The following FTO variants were observed in gnomAD, a reference collection of about 807,000 sequenced individuals.
The protein encoded by FTO is FTO alpha-ketoglutarate dependent dioxygenase, also known as alpha-ketoglutarate-dependent dioxygenase FTO.
FTO carries 47 observed loss-of-function variants against 63.9 expected under a neutral mutation model. The observed-to-expected ratio is 0.74, with a 90% CI of 0.58 to 0.94. FTO has a LOEUF of 0.94. FTO is among the 40% of genes least tolerant of loss of function. FTO has a pLI of 0.00. For missense variants in FTO, 562 were observed against 618.1 expected (o/e 0.91, Z 0.96); for synonymous variants, 207 against 224.4 (o/e 0.92, Z 0.69).
At chr16:53,942,940 A>G (rs1180607220) in intron 8 of FTO, among the ~76,000 whole-genome samples, 1 of 152,172 alleles carries the variant, frequency 6.6e-6, no homozygotes, top group Non-Finnish European at 1.5e-5. Context: ...ACTTGTTTGC[A>G]GTGTTGGGGT....
chr16:53,861,857 C>G (rs548159616), intron 4 of FTO, among the ~76,000 whole-genome samples: 1 of 152,216 alleles, frequency 6.6e-6, no homozygotes, highest in Non-Finnish European at 1.5e-5. Context: ...GTGGCATATT[C>G]TTTGAGTCTT....
chr16:53,781,165 C>T (rs563454297), intron 1 of FTO, among the ~76,000 whole-genome samples: 59 of 152,166 alleles, frequency 3.9e-4, no homozygotes, highest in Admixed American at 1.2e-3. Context: ...CCTATTTTTC[C>T]AATTGAGTAA....
chr16:53,780,538 G>A (rs1598638521), intron 1 of FTO, among the ~76,000 whole-genome samples: 1 of 152,040 alleles, frequency 6.6e-6, no homozygotes, highest in African/African-American at 2.4e-5. Flanking sequence ...GGGTTCAAGC[G>A]ATTTTCCCAC....
At chr16:54,070,300 A>G (rs1368510049) in intron 8 of FTO, 1 of 152,218 alleles carries the variant, frequency 6.6e-6, no homozygotes, top group Non-Finnish European at 1.5e-5. Context: ...GATTTTATAT[A>G]GCATTCTTTG....
chr16:53,707,637 T>C (rs925431978), intron 1 of FTO, among the ~76,000 whole-genome samples: 1 of 152,216 alleles, frequency 6.6e-6, no homozygotes, highest in Non-Finnish European at 1.5e-5. Context: ...ACCATTCTAG[T>C]AGGTGTGCAG....
chr16:53,930,568 T>G (rs1295575598), intron 7 of FTO, among the ~76,000 whole-genome samples: 1 of 152,174 alleles, frequency 6.6e-6, no homozygotes, highest in East Asian at 1.9e-4. Flanking sequence ...TGAAGTGAAC[T>G]TATAGTTTTA....
intron 1 of FTO, among the ~76,000 whole-genome samples, chr16:53,791,632 A>G (rs2077913998): frequency 6.6e-6 from 1 of 152,224 alleles, no homozygotes; most frequent in Non-Finnish European, 1.5e-5. Flanking sequence ...TTTTTATAAG[A>G]CAATCCAGCA....
In FTO at chr16:53,844,298, G is replaced by C. The variant is rs777558537; in HGVS notation, c.895G>C (p.Asp299His). Reference protein sequence around the residue: ...LHQGDCYFMLDDLNATHQHCV... With the variant: ...LHQGDCYFMLHDLNATHQHCV... The stretch of plus-strand genomic sequence containing the variant: ...CCAAGGAGACTGCTATTTCATGCTT[G>C]GTAATCTTTGGAAAATCAAAATTAT... Residue 299 changes from aspartate to histidine, a missense_variant and splice_region_variant, in exon 4 of 9, where the codon GAT becomes CAT. By Grantham distance (81) the Asp-to-His change is moderately conservative. Transcript: ENST00000471389. 3 of 1,611,380 alleles carry C rather than the reference G, an allele frequency of 1.9e-6. No homozygotes were observed. The highest frequency in any genetic ancestry group is 2.5e-6 in the Non-Finnish European group (3 of 1,177,832).
intron 7 of FTO, chr16:53,911,533 C>T: frequency 1.4e-6 from 1 of 701,384 alleles, no homozygotes; most frequent in South Asian, 1.5e-5. Context: ...TCTATAGATG[C>T]ATTTGTGTCA....
intron 4 of FTO, among the ~76,000 whole-genome samples, chr16:53,846,206 G>T (rs530960446): frequency 1.1e-4 from 16 of 152,154 alleles, no homozygotes; most frequent in African/African-American, 3.9e-4. Context: ...CTCTATGTGG[G>T]AATGTTTTCA....
chr16:53,868,355 A>AT (rs1481017786), intron 4 of FTO, among the ~76,000 whole-genome samples: 1 of 151,836 alleles, frequency 6.6e-6, no homozygotes, highest in Non-Finnish European at 1.5e-5. Flanking sequence ...TTACATATGT[A>AT]TTTTTTTACT....
intron 1 of FTO, among the ~76,000 whole-genome samples, chr16:53,786,053 C>T (rs533146975): frequency 3.9e-5 from 6 of 152,096 alleles, no homozygotes; most frequent in Admixed American, 2.0e-4. Flanking sequence ...GTTGCTCTGA[C>T]GGCTGTAGAG....
intron 8 of FTO, among the ~76,000 whole-genome samples, chr16:54,055,587 A>G (rs951990373): frequency 6.6e-6 from 1 of 152,246 alleles, no homozygotes; most frequent in African/African-American, 2.4e-5. Flanking sequence ...AGTGTTTTGC[A>G]TGTTTACCTC....
intron 8 of FTO, among the ~76,000 whole-genome samples, chr16:53,996,079 A>G (rs1350412521): frequency 2.6e-5 from 4 of 152,228 alleles, no homozygotes; most frequent in Non-Finnish European, 5.9e-5. Context: ...ACGAGGTGAC[A>G]GGTAGGAGGA....
At chr16:54,001,609 G>T (rs190247597) in intron 8 of FTO, among the ~76,000 whole-genome samples, 8 of 152,268 alleles carry the variant, frequency 5.3e-5, no homozygotes, top group Admixed American at 5.2e-4. Flanking sequence ...GTATAATTTT[G>T]ATTTTTCCTA....
chr16:53,931,744 G>C (rs1219832064), intron 7 of FTO, among the ~76,000 whole-genome samples: 1 of 152,254 alleles, frequency 6.6e-6, no homozygotes, highest in African/African-American at 2.4e-5. Flanking sequence ...TTTTAGATTA[G>C]AGATCACAAA....
intron 1 of FTO, among the ~76,000 whole-genome samples, chr16:53,741,403 T>G (rs1262044866): frequency 2.0e-5 from 3 of 152,248 alleles, no homozygotes; most frequent in Non-Finnish European, 4.4e-5. Flanking sequence ...TTCTATTGCA[T>G]TGTTTGTTTA....
intron 3 of FTO, among the ~76,000 whole-genome samples, chr16:53,837,173 C>T (rs563432261): frequency 1.3e-5 from 2 of 152,276 alleles, no homozygotes; most frequent in South Asian, 2.1e-4. Context: ...GCTAATGGCC[C>T]GCATAGCAGT....
chr16:54,030,103 G>T (rs1365605087), intron 8 of FTO, among the ~76,000 whole-genome samples: 2 of 152,144 alleles, frequency 1.3e-5, no homozygotes, highest in Non-Finnish European at 2.9e-5. Context: ...CCATTTCGAG[G>T]TTCTCTCTTC....
Sources: allele counts gnomAD v4.1 joint callset (sites outside exome capture counted in the v4.1 genomes callset), GRCh38; gene constraint gnomAD v4.1.1; transcripts MANE v1.5; gene names NCBI Gene and HGNC (gene_info 2026-07-23, HGNC 2026-07-21).